Variants in DCLK1 observed in about 807,000 individuals in gnomAD.
DCLK1 encodes doublecortin like kinase 1.
In DCLK1, 16 loss-of-function variants were observed where a neutral mutation model predicts 86.2. The observed-to-expected ratio is 0.19, with a 90% CI of 0.13 to 0.28. DCLK1 has a LOEUF of 0.28. Among genes scored for constraint, DCLK1 ranks in the 10% least tolerant of loss-of-function variants. The pLI is 1.00. For synonymous variants in DCLK1, 369 were observed against 370.5 expected (o/e 1.00, Z 0.05); for missense variants, 590 against 940.2 (o/e 0.63, Z 4.87).
At chr13:35,986,032 G>A (rs1463753540) in intron 3 of DCLK1, among the ~76,000 whole-genome samples, 2 of 152,066 alleles carry the variant, frequency 1.3e-5, no homozygotes, top group African/African-American at 2.4e-5. Context: ...GGTCGGGCAC[G>A]GTGGGTCATG....
At chr13:35,851,927 T>C (rs1870672316) in intron 6 of DCLK1, among the ~76,000 whole-genome samples, 1 of 152,130 alleles carries the variant, frequency 6.6e-6, no homozygotes, top group South Asian at 2.1e-4. Flanking sequence ...AACCTTCCTT[T>C]TGAGAAAACA....
At chr13:35,878,944 C>A (rs1480594251) in intron 4 of DCLK1, among the ~76,000 whole-genome samples, 22 of 152,112 alleles carry the variant, frequency 1.4e-4, no homozygotes, top group Non-Finnish European at 2.9e-5. Flanking sequence ...CACTGCCATG[C>A]CCAGCTGATT....
intron 1 of DCLK1, among the ~76,000 whole-genome samples, chr13:36,126,702 T>A (rs1027367378): frequency 1.3e-5 from 2 of 152,208 alleles, no homozygotes; most frequent in Admixed American, 1.3e-4. Context: ...CAGGCTCCTC[T>A]GCACGCTGTC....
intron 13 of DCLK1, among the ~76,000 whole-genome samples, 154 bp downstream of exon 13, chr13:35,808,864 G>T (rs2087086000): frequency 6.6e-6 from 1 of 152,060 alleles, no homozygotes; most frequent in Non-Finnish European, 1.5e-5. Context: ...AAATTAGCAT[G>T]CATGACATAA....
chr13:36,045,372 A>ATATT (rs1555358865), intron 3 of DCLK1, among the ~76,000 whole-genome samples: 13 of 129,754 alleles, frequency 1.0e-4, no homozygotes, highest in Non-Finnish European at 1.8e-4. Context: ...ATATATATAT[A>ATATT]TATATTTCAA....
intron 3 of DCLK1, among the ~76,000 whole-genome samples, chr13:36,019,909 C>A (rs1566648473): frequency 2.0e-5 from 3 of 152,156 alleles, no homozygotes; most frequent in Admixed American, 2.0e-4. Flanking sequence ...ATTCGATCTC[C>A]AATATTGAAG....
chr13:35,938,515 G>A (rs1876899606), intron 4 of DCLK1, among the ~76,000 whole-genome samples: 1 of 152,028 alleles, frequency 6.6e-6, no homozygotes, highest in Non-Finnish European at 1.5e-5. Flanking sequence ...TGTAGTCCCA[G>A]CTACTCGGGA....
At chr13:35,842,251 A>AAG (rs1869861651) in intron 6 of DCLK1, among the ~76,000 whole-genome samples, 1 of 150,962 alleles carries the variant, frequency 6.6e-6, no homozygotes, top group Admixed American at 6.6e-5. Context: ...AAAAAAAAAA[A>AAG]AAAAGAAGTT....
intron 3 of DCLK1, among the ~76,000 whole-genome samples, chr13:36,087,048 T>G (rs530481982): frequency 6.6e-6 from 1 of 152,334 alleles, no homozygotes; most frequent in African/African-American, 2.4e-5. Flanking sequence ...ATCGCCACAC[T>G]GTCTTCCACA....
At chr13:36,002,192 T>C (rs1880753688) in intron 3 of DCLK1, among the ~76,000 whole-genome samples, 1 of 152,192 alleles carries the variant, frequency 6.6e-6, no homozygotes, top group African/African-American at 2.4e-5. Flanking sequence ...TCAACATTTT[T>C]CTTTACTTTA....
chr13:36,086,075 T>C (rs1292622674), intron 3 of DCLK1, among the ~76,000 whole-genome samples: 2 of 152,192 alleles, frequency 1.3e-5, no homozygotes, highest in Non-Finnish European at 2.9e-5. Flanking sequence ...CTGCATGAGA[T>C]ATAAAAGGTT....
chr13:36,089,293 T>C (rs1253098203), intron 3 of DCLK1, among the ~76,000 whole-genome samples: 1 of 152,230 alleles, frequency 6.6e-6, no homozygotes, highest in Non-Finnish European at 1.5e-5. Context: ...CATTACAAAC[T>C]GTTGGGCAAC....
At chr13:35,962,138 G>A (rs1248736177) in intron 3 of DCLK1, among the ~76,000 whole-genome samples, 1 of 152,166 alleles carries the variant, frequency 6.6e-6, no homozygotes, top group East Asian at 1.9e-4. Context: ...ATATCTCAGT[G>A]AAGGGTGTTG....
At chr13:35,936,768 G>A (rs1171089) in intron 4 of DCLK1, among the ~76,000 whole-genome samples, 1 of 151,888 alleles carries the variant, frequency 6.6e-6, no homozygotes, top group East Asian at 1.9e-4. Flanking sequence ...AGGGCACAAG[G>A]TGGCGTGGAA....
chr13:35,892,794 GT>G (rs1416223952), intron 4 of DCLK1, among the ~76,000 whole-genome samples: 1 of 152,068 alleles, frequency 6.6e-6, no homozygotes, highest in Non-Finnish European at 1.5e-5. Flanking sequence ...ACATTGTCTG[GT>G]AGCCCCTCCT....
intron 3 of DCLK1, among the ~76,000 whole-genome samples, chr13:36,004,588 G>A (rs948630051): frequency 6.6e-6 from 1 of 152,102 alleles, no homozygotes; most frequent in Non-Finnish European, 1.5e-5. Context: ...TGTTGTTGTT[G>A]TTGTTTTGTT....
At chr13:35,953,174 A>C (rs186626625) in intron 3 of DCLK1, among the ~76,000 whole-genome samples, 101 of 152,334 alleles carry the variant, frequency 6.6e-4, no homozygotes, top group Non-Finnish European at 1.3e-3. Context: ...GAAAGAGACA[A>C]ACTCTATTTG....
chr13:35,804,235 A>G (rs1362119830), intron 15 of DCLK1, among the ~76,000 whole-genome samples: 2 of 151,506 alleles, frequency 1.3e-5, no homozygotes, highest in Non-Finnish European at 2.9e-5. Context: ...GGTTCAAGTG[A>G]TTCTACTGCC....
chr13:36,064,259 G>A (rs1289800445), intron 3 of DCLK1, among the ~76,000 whole-genome samples: 4 of 152,224 alleles, frequency 2.6e-5, no homozygotes, highest in African/African-American at 9.6e-5. Context: ...CAAATGTCCA[G>A]AAGGAAATAT....
Sources: gnomAD v4.1 joint callset for allele counts (sites outside exome capture counted in the v4.1 genomes callset) on GRCh38, gnomAD v4.1.1 for gene constraint, MANE v1.5 for transcripts, NCBI Gene and HGNC (gene_info 2026-07-23, HGNC 2026-07-21) for gene names.